Variants in EGFLAM observed in about 807,000 individuals in gnomAD.
The protein encoded by EGFLAM is pikachurin.
EGFLAM carries 79 observed loss-of-function variants against 113.1 expected under a neutral mutation model. The ratio of observed to expected loss-of-function variants is 0.70; its 90% CI spans 0.58 to 0.84. The LOEUF (loss-of-function observed/expected upper bound fraction) is 0.84. Ranked by LOEUF, EGFLAM falls within the 40% of genes least tolerant of loss-of-function variation. The pLI is 0.00. For synonymous variants in EGFLAM, 504 were observed against 487.6 expected (o/e 1.03, Z -0.44); for missense variants, 1,265 against 1,291.6 (o/e 0.98, Z 0.32).
intron 6 of EGFLAM, among the ~76,000 whole-genome samples, chr5:38,394,511 G>A (rs186399538): frequency 2.7e-4 from 41 of 151,682 alleles, no homozygotes; most frequent in African/African-American, 8.0e-4. Flanking sequence ...CCGGGTTCAC[G>A]CCATTCTCCT....
intron 5 of EGFLAM, among the ~76,000 whole-genome samples, chr5:38,359,176 G>A (rs528840799): frequency 8.5e-5 from 13 of 152,274 alleles, no homozygotes; most frequent in African/African-American, 2.2e-4. Context: ...CTGGAAAAAC[G>A]TTCCTCATCA....
chr5:38,458,578 G>T (rs1291758780), intron 20 of EGFLAM, among the ~76,000 whole-genome samples, 184 bp downstream of exon 20: 1 of 152,136 alleles, frequency 6.6e-6, no homozygotes, highest in Non-Finnish European at 1.5e-5. Context: ...ACACTATCAG[G>T]CCAGGGAAAC....
At chr5:38,418,534 G>C (rs145793404) in intron 12 of EGFLAM, among the ~76,000 whole-genome samples, 1 of 152,150 alleles carries the variant, frequency 6.6e-6, no homozygotes, top group Non-Finnish European at 1.5e-5. Context: ...ATGAAATATG[G>C]CATGGTCTTA....
chr5:38,417,601 C>T (rs979204893), intron 11 of EGFLAM, among the ~76,000 whole-genome samples: 3 of 151,730 alleles, frequency 2.0e-5, no homozygotes, highest in Non-Finnish European at 4.4e-5. Flanking sequence ...ATGTTTCTCT[C>T]AGGATATAGT....
intron 18 of EGFLAM, among the ~76,000 whole-genome samples, chr5:38,448,878 G>A (rs1742813105): frequency 6.6e-6 from 1 of 152,176 alleles, no homozygotes; most frequent in Admixed American, 6.5e-5. Context: ...ATCAGCAAAG[G>A]TCTCTTGTCC....
chr5:38,425,047 A>C lies in EGFLAM; in HGVS notation c.1765A>C (p.Ile589Leu). ...CACAGCAATCAAAGCCGACTCCTAC[A>C]TTTGCCTCTGTCCCCTTGGGTTTAA... ...TCTAIKADSY[I>L]CLCPLGFKGR... The change falls in exon 13 of 22, where the codon ATT becomes CTT. Residue 589 changes from isoleucine to leucine, a missense_variant. Ile to Leu is a conservative substitution (Grantham distance 5). Transcript: ENST00000322350. The C allele has an allele frequency of 6.2e-7, 1 of 1,614,098 alleles. No individual in the cohort carries two copies. Among genetic ancestry groups the C allele is most frequent in the Non-Finnish European group, 8.5e-7 (1 of 1,179,998 alleles).
chr5:38,299,194 T>G (rs941722793), intron 1 of EGFLAM, among the ~76,000 whole-genome samples: 1 of 152,200 alleles, frequency 6.6e-6, no homozygotes, highest in Non-Finnish European at 1.5e-5. Flanking sequence ...GGCTATGGCT[T>G]TTATTGTGTA....
chr5:38,451,492 T>C (rs766644121), intron 19 of EGFLAM, 34 bp downstream of exon 19: 12 of 1,603,350 alleles, frequency 7.5e-6, no homozygotes, highest in Non-Finnish European at 1.0e-5. Flanking sequence ...CAGCAGCACC[T>C]TGCGATTTTC....
chr5:38,450,699 C>T (rs1024146996), intron 18 of EGFLAM, among the ~76,000 whole-genome samples: 3 of 152,232 alleles, frequency 2.0e-5, no homozygotes, highest in East Asian at 3.9e-4. Flanking sequence ...TATTCCCAGC[C>T]GTGGCTATAG....
chr5:38,277,183 A>G (rs1757905412), intron 1 of EGFLAM, among the ~76,000 whole-genome samples: 1 of 152,176 alleles, frequency 6.6e-6, no homozygotes, highest in Non-Finnish European at 1.5e-5. Flanking sequence ...TTAACAAACC[A>G]AATTCAACAG....
intron 1 of EGFLAM, among the ~76,000 whole-genome samples, chr5:38,290,239 G>A (rs905883699): frequency 3.9e-5 from 6 of 152,140 alleles, no homozygotes; most frequent in African/African-American, 1.4e-4. Flanking sequence ...ACAGCGCTCC[G>A]CACTGTGGGC....
chr5:38,261,707 A>C (rs1277259923), intron 1 of EGFLAM, among the ~76,000 whole-genome samples: 1 of 152,136 alleles, frequency 6.6e-6, no homozygotes, highest in Non-Finnish European at 1.5e-5. Context: ...TTGCTCTTAA[A>C]CATTTGTAAA....
intron 21 of EGFLAM, 81 bp downstream of exon 21, chr5:38,463,092 G>A: frequency 1.5e-6 from 2 of 1,365,576 alleles, no homozygotes; most frequent in South Asian, 2.7e-5. Flanking sequence ...CCGAGGCTAT[G>A]TACTTTGCTG....
chr5:38,340,277 C>A (rs10461723), intron 3 of EGFLAM, among the ~76,000 whole-genome samples: 5,163 of 152,288 alleles, frequency 0.034, 126 homozygotes, highest in East Asian at 0.058. Context: ...CTTAACCTGT[C>A]TAAACCTCAA....
chr5:38,345,702 A>G (rs1739456988), intron 3 of EGFLAM: 1 of 152,224 alleles, frequency 6.6e-6, no homozygotes, highest in African/African-American at 2.4e-5. Flanking sequence ...AGTGCAGGAG[A>G]GATAAACATC....
intron 1 of EGFLAM, among the ~76,000 whole-genome samples, chr5:38,279,251 TTTTTA>T (rs2111746464): frequency 6.6e-6 from 1 of 152,308 alleles, no homozygotes; most frequent in East Asian, 1.9e-4. Context: ...GAAAAGGGAA[TTTTTA>T]TTTACTATTG....
intron 1 of EGFLAM, among the ~76,000 whole-genome samples, chr5:38,304,323 C>G (rs74414967): frequency 0.022 from 3,358 of 152,276 alleles, 57 homozygotes; most frequent in Middle Eastern, 0.065. Flanking sequence ...CATTCCATAT[C>G]TCTTTCCAAT....
At chr5:38,271,043 CT>C (rs758926924) in intron 1 of EGFLAM, among the ~76,000 whole-genome samples, 2 of 152,076 alleles carry the variant, frequency 1.3e-5, no homozygotes, top group Non-Finnish European at 2.9e-5. Context: ...CAAATGAGGA[CT>C]TTTGGTGTTT....
intron 1 of EGFLAM, among the ~76,000 whole-genome samples, chr5:38,310,887 G>A (rs1738423803): frequency 6.6e-6 from 1 of 152,126 alleles, no homozygotes; most frequent in Admixed American, 6.5e-5. Context: ...GATCATCTGA[G>A]GGTGACACTT....
Sources: gnomAD v4.1 joint callset for allele counts (sites outside exome capture counted in the v4.1 genomes callset) on GRCh38, gnomAD v4.1.1 for gene constraint, MANE v1.5 for transcripts, NCBI Gene and HGNC (gene_info 2026-07-23, HGNC 2026-07-21) for gene names.